The following ITGB1 variants were observed in gnomAD, a reference collection of about 807,000 sequenced individuals.
The protein encoded by ITGB1 is integrin subunit beta 1.
Under a neutral mutation model 86.5 loss-of-function variants are expected in ITGB1, and 24 were observed. The observed-to-expected ratio is 0.28, with a 90% CI of 0.20 to 0.39. ITGB1 has a LOEUF of 0.39. ITGB1 is among the 10% of genes least tolerant of loss of function. ITGB1 has a pLI of 1.00. For synonymous variants in ITGB1, 323 were observed against 316.8 expected, an observed-to-expected ratio of 1.02 and a Z score of -0.21; for missense variants, 556 against 946.9, an observed-to-expected ratio of 0.59 and a Z score of 5.42.
chr10:32,914,337 G>A (rs935351855), intron 11 of ITGB1, among the ~76,000 whole-genome samples: 2 of 152,094 alleles, frequency 1.3e-5, no homozygotes, highest in African/African-American at 2.4e-5. Flanking sequence ...ATGTAAATGG[G>A]CAAAATGCTC....
chr10:32,930,102 CATA>C (rs1457304883), intron 3 of ITGB1, 58 bp from the exon 4 acceptor site: 3 of 777,680 alleles, frequency 3.9e-6, no homozygotes, highest in Admixed American at 4.4e-5. Context: ...AACCTTTTTA[CATA>C]ATAATTGCAA....
intron 11 of ITGB1, 36 bp downstream of exon 11, chr10:32,919,849 T>A: frequency 6.3e-7 from 1 of 1,580,554 alleles, no homozygotes; most frequent in Non-Finnish European, 8.7e-7. Flanking sequence ...TCTAAACCAA[T>A]GTAGCTCTGT....
chr10:32,936,172 C>T (rs879302139), intron 1 of ITGB1: 5 of 152,326 alleles, frequency 3.3e-5, no homozygotes, highest in Admixed American at 6.5e-5. Flanking sequence ...CGCTGGCTCA[C>T]GCCTGGAATC....
At chr10:32,945,783 T>C (rs2095030113) in intron 1 of ITGB1, among the ~76,000 whole-genome samples, 1 of 152,316 alleles carries the variant, frequency 6.6e-6, no homozygotes, top group South Asian at 2.1e-4. Flanking sequence ...GATTCACAGA[T>C]TTGTTGTAAG....
intron 9 of ITGB1, among the ~76,000 whole-genome samples, chr10:32,921,389 C>T (rs917762026): frequency 6.6e-6 from 1 of 152,150 alleles, no homozygotes; most frequent in Admixed American, 6.5e-5. Flanking sequence ...CCCTCCAAGT[C>T]AGGCCTTTCC....
At chr10:32,946,817 A>G (rs559780338) in intron 1 of ITGB1, among the ~76,000 whole-genome samples, 97 of 148,662 alleles carry the variant, frequency 6.5e-4, no homozygotes, top group African/African-American at 2.4e-3. Flanking sequence ...TTTCAAGATG[A>G]ACCAAGGTTT....
At chr10:32,933,898 CTATT>C (rs1460822313) in intron 2 of ITGB1, among the ~76,000 whole-genome samples, 2 of 152,080 alleles carry the variant, frequency 1.3e-5, no homozygotes, top group Non-Finnish European at 2.9e-5. Flanking sequence ...TAAGTGTACT[CTATT>C]TAATGCTGGA....
intron 1 of ITGB1, chr10:32,944,861 C>T: frequency 7.8e-7 from 1 of 1,283,526 alleles, no homozygotes; most frequent in Non-Finnish European, 1.1e-6. Flanking sequence ...TCCTCTCATT[C>T]AGCATGAGGA....
At position 32,912,091 on chromosome 10, in the gene ITGB1, T is replaced by C. The variant is rs1263229098; in HGVS notation, c.1503A>G (p.Glu501=). 6.2e-7 allele frequency: 1 copy of C among 1,614,134 alleles called. No homozygotes were observed. Among genetic ancestry groups the C allele is most frequent in the Non-Finnish European group, 8.5e-7 (1 of 1,179,976 alleles). The change falls in exon 12 of 16, where the codon GAA becomes GAG. Residue 501 remains glutamate, a synonymous_variant. Transcript: ENST00000302278. ...CACTGTTAACTTCATCTGTGCTGCA[T>C]TCACAATGTCTACCAACACGCCCTT... is the stretch of plus-strand genomic sequence containing the variant. ...CNEGRVGRHC[E]CSTDEVNSED...
rs370648230 is a variant in ITGB1 at position 32,933,367 on chromosome 10, T to C, written c.68-767A>G. The C allele has an allele frequency of 6.6e-5, 10 of 152,188 alleles. No homozygotes were observed. In the East Asian group the frequency reaches 1.2e-3, roughly 18 times the overall value. The allele number at this position is 152,188 out of a possible 1,614,324, so 9.4% of individuals were successfully genotyped here. On this transcript the variant is annotated intron_variant, in intron 2 of 15. Transcript: ENST00000302278. ...CATACTCACAAGAATCTTCAAGGCT[T>C]TCCCTTTGCTTTCAGTATGTTAAAT...
chr10:32,921,326 G>A (rs953380189), intron 9 of ITGB1, among the ~76,000 whole-genome samples: 1 of 152,130 alleles, frequency 6.6e-6, no homozygotes, highest in Admixed American at 6.5e-5. Flanking sequence ...TAAGACAGGG[G>A]AGAATGGGAA....
chr10:32,952,173 A>G (rs1593890166), intron 1 of ITGB1, among the ~76,000 whole-genome samples: 1 of 152,266 alleles, frequency 6.6e-6, no homozygotes, highest in African/African-American at 2.4e-5. Flanking sequence ...GAAAGATAAA[A>G]TATGATCATT....
In ITGB1 at chr10:32,958,228, G is replaced by A. The variant is rs2095057126; in HGVS notation, c.-84C>T. The A allele has an allele frequency of 6.6e-6, 1 of 151,952 alleles. No individual in the cohort carries two copies. The highest frequency in any genetic ancestry group is 1.5e-5 in the Non-Finnish European group (1 of 68,096). The allele number at this position is 151,952 out of a possible 1,614,324, so 9.4% of individuals were successfully genotyped here. On this transcript the variant is annotated 5_prime_UTR_variant, in exon 1 of 16. Transcript: ENST00000302278. Reference sequence around the variant, plus strand: ...TCCCGCTGGGCCTCTCCCGCGGGCTGGCGGGGCCTCCCGGGTGTCGGGCGC... The same window carrying A: ...TCCCGCTGGGCCTCTCCCGCGGGCTAGCGGGGCCTCCCGGGTGTCGGGCGC...
intron 1 of ITGB1, among the ~76,000 whole-genome samples, chr10:32,947,373 G>A (rs746809973): frequency 3.3e-5 from 5 of 150,716 alleles, no homozygotes; most frequent in Admixed American, 1.3e-4. Flanking sequence ...TGAAGCCCTC[G>A]AATTATGGCA....
intron 1 of ITGB1, among the ~76,000 whole-genome samples, chr10:32,937,556 A>C (rs1359134402): frequency 2.9e-5 from 1 of 34,582 alleles, no homozygotes; most frequent in African/African-American, 7.5e-5. Flanking sequence ...CTCCGTCTCA[A>C]AAAAAAAAAA....
At chr10:32,957,650 G>C (rs2095055270) in intron 1 of ITGB1, 1 of 152,290 alleles carries the variant, frequency 6.6e-6, no homozygotes, top group Non-Finnish European at 1.5e-5. Context: ...GCTCGACGCT[G>C]CTCCAAGGAC....
chr10:32,907,881 A>G (rs1565818390), intron 15 of ITGB1, among the ~76,000 whole-genome samples: 1 of 152,200 alleles, frequency 6.6e-6, no homozygotes, highest in Non-Finnish European at 1.5e-5. Context: ...GAAAGTTTAC[A>G]AATTTGTGTT....
intron 9 of ITGB1, among the ~76,000 whole-genome samples, chr10:32,920,910 G>A (rs1414450704): frequency 1.3e-5 from 2 of 151,858 alleles, no homozygotes; most frequent in African/African-American, 2.4e-5. Flanking sequence ...CTGAACCCGG[G>A]AGGCAGGGGT....
intron 15 of ITGB1, among the ~76,000 whole-genome samples, chr10:32,905,383 A>G (rs370436710): frequency 1.0e-3 from 158 of 152,354 alleles, no homozygotes; most frequent in African/African-American, 3.6e-3. Context: ...AAACACAACA[A>G]CAGCACTGGG....
Sources: gnomAD v4.1 joint callset for allele counts (sites outside exome capture counted in the v4.1 genomes callset) on GRCh38, gnomAD v4.1.1 for gene constraint, MANE v1.5 for transcripts, NCBI Gene and HGNC (gene_info 2026-07-23, HGNC 2026-07-21) for gene names.